Variants in SDK1 observed in about 807,000 individuals in gnomAD.
The protein encoded by SDK1 is protein sidekick-1.
A neutral mutation model predicts 245.5 loss-of-function variants in SDK1; 157 were observed. That is an observed-to-expected ratio of 0.64 (90% CI 0.56 to 0.73). SDK1 has a LOEUF of 0.73. Among genes scored for constraint, SDK1 ranks in the 30% least tolerant of loss-of-function variants. The pLI is 0.00. For missense variants in SDK1, 3,583 were observed against 3,002.3 expected (o/e 1.19, Z -4.52); for synonymous variants, 1,647 against 1,278.5 (o/e 1.29, Z -6.15).
intron 1 of SDK1, among the ~76,000 whole-genome samples, chr7:3,547,135 C>G (rs1369689494): frequency 1.3e-5 from 2 of 151,808 alleles, no homozygotes; most frequent in Non-Finnish European, 2.9e-5. Context: ...ATGATTTAAC[C>G]CTAATGTTTT....
intron 21 of SDK1, 89 bp downstream of exon 21, chr7:4,077,278 G>C: frequency 1.6e-6 from 2 of 1,259,542 alleles, no homozygotes; most frequent in South Asian, 2.8e-5. Context: ...TGGTGTGGAA[G>C]CCACTGAGTG....
chr7:3,470,337 G>T (rs6964838), intron 1 of SDK1, among the ~76,000 whole-genome samples: 2 of 151,850 alleles, frequency 1.3e-5, no homozygotes, highest in Non-Finnish European at 2.9e-5. Flanking sequence ...GTGCCTCAGA[G>T]ATAGTCAAGG....
At chr7:3,774,935 T>C (rs571708617) in intron 4 of SDK1, among the ~76,000 whole-genome samples, 153 of 152,330 alleles carry the variant, frequency 1.0e-3, no homozygotes, top group African/African-American at 3.5e-3. Flanking sequence ...TTTGCTTCTA[T>C]GGTGGGTCCT....
intron 1 of SDK1, among the ~76,000 whole-genome samples, chr7:3,346,532 T>C (rs1194015826): frequency 2.0e-5 from 3 of 151,740 alleles, no homozygotes; most frequent in African/African-American, 4.8e-5. Flanking sequence ...ATTTTTTTAA[T>C]AGTCAAGGTC....
chr7:3,578,712 A>T (rs1422101434), intron 1 of SDK1, among the ~76,000 whole-genome samples: 3 of 151,840 alleles, frequency 2.0e-5, no homozygotes, highest in African/African-American at 7.2e-5. Context: ...ACATCCGTTT[A>T]TAGGCTCTCT....
chr7:4,040,161 G>C (rs1166091281), intron 17 of SDK1, among the ~76,000 whole-genome samples: 2 of 152,184 alleles, frequency 1.3e-5, no homozygotes, highest in Non-Finnish European at 2.9e-5. Context: ...TAAGCATAGG[G>C]TAATGAGGCG....
chr7:3,744,783 G>C (rs534214902), intron 4 of SDK1, among the ~76,000 whole-genome samples: 47 of 152,042 alleles, frequency 3.1e-4, no homozygotes, highest in African/African-American at 1.1e-3. Context: ...ATGCACTCCA[G>C]CCTGGGCGAC....
intron 13 of SDK1, chr7:3,974,775 GTTTTTAT>G (rs1410929474): frequency 4.2e-6 from 2 of 472,044 alleles, no homozygotes; most frequent in African/African-American, 3.9e-5. Context: ...GTGATCATTG[GTTTTTAT>G]TTCAGTTGAT....
At position 3,619,216 on chromosome 7, in the gene SDK1, C is replaced by T. The variant is rs769049590; in HGVS notation, c.435C>T (p.Leu145=). 1.2e-5 allele frequency: 19 copies of T among 1,612,178 alleles called. No homozygotes were observed. Among genetic ancestry groups the T allele is most frequent in the Non-Finnish European group, 2.5e-6 (3 of 1,178,566 alleles). ...AGTGGATGCGCGATGACAGTGAGCTCACCACCTACAGCAGCGAATATAAGT... is the reference window on the plus strand; with the variant it reads ...AGTGGATGCGCGATGACAGTGAGCTTACCACCTACAGCAGCGAATATAAGT... ...EFKWMRDDSE[L]TTYSSEYKYI... is the part of the protein sequence containing the mutation. The change falls in exon 2 of 45, where the codon CTC becomes CTT. Residue 145 remains leucine, a synonymous_variant. Coordinates refer to ENST00000404826, the MANE Select transcript of SDK1 (RefSeq NM_152744.4).
chr7:3,544,232 C>G (rs146045489), intron 1 of SDK1, among the ~76,000 whole-genome samples: 2 of 152,328 alleles, frequency 1.3e-5, no homozygotes, highest in African/African-American at 4.8e-5. Context: ...CCATATGTAT[C>G]CATCTTGGTT....
chr7:3,854,048 A>G (rs1780481552), intron 5 of SDK1, among the ~76,000 whole-genome samples: 1 of 151,832 alleles, frequency 6.6e-6, no homozygotes, highest in Non-Finnish European at 1.5e-5. Context: ...GGGATGCTCA[A>G]CCTGTATTTT....
intron 1 of SDK1, among the ~76,000 whole-genome samples, chr7:3,560,849 G>A (rs1450398974): frequency 1.3e-5 from 2 of 152,108 alleles, no homozygotes; most frequent in Non-Finnish European, 2.9e-5. Context: ...TGCTTCTGGG[G>A]TCTGCATTTG....
intron 5 of SDK1, among the ~76,000 whole-genome samples, chr7:3,943,870 T>C (rs1040850863): frequency 4.6e-5 from 7 of 152,210 alleles, no homozygotes; most frequent in African/African-American, 7.2e-5. Flanking sequence ...CTGCTGCGTG[T>C]TCTTTATTCC....
intron 32 of SDK1, among the ~76,000 whole-genome samples, chr7:4,173,275 G>T (rs984193424): frequency 6.6e-6 from 1 of 152,210 alleles, no homozygotes; most frequent in Admixed American, 6.5e-5. Context: ...ACCCAGATGA[G>T]TGCAGAAGTC....
chr7:3,754,279 TA>T (rs1779856001), intron 4 of SDK1, among the ~76,000 whole-genome samples: 1 of 152,246 alleles, frequency 6.6e-6, no homozygotes, highest in African/African-American at 2.4e-5. Flanking sequence ...TTTCTTAATG[TA>T]TTACACCCTT....
chr7:3,322,488 T>C (rs116522594), intron 1 of SDK1, among the ~76,000 whole-genome samples: 2 of 152,208 alleles, frequency 1.3e-5, no homozygotes, highest in Non-Finnish European at 2.9e-5. Context: ...TTTTGGTATA[T>C]GCCTAGAAGT....
intron 1 of SDK1, among the ~76,000 whole-genome samples, chr7:3,402,207 G>A (rs537224501): frequency 1.8e-4 from 28 of 152,206 alleles, no homozygotes; most frequent in Non-Finnish European, 3.1e-4. Context: ...GATATGTGGA[G>A]GATATATATA....
Position 4,245,790 on chromosome 7 carries a change from T to G in SDK1, c.6366T>G (p.Asp2122Glu). 3 of 1,613,938 alleles carry G rather than the reference T, an allele frequency of 1.9e-6. No homozygotes were observed. The African/African-American group carries it at 4.0e-5, about 22-fold the overall frequency. ...ESVSLKEKSADASESEATDSD... is the reference protein window; with the variant it reads ...ESVSLKEKSAEASESEATDSD... ...TGAGCCTCAAGGAGAAGTCGGCAGA[T>G]GCATCAGAATCTGAGGTCAGTGTCG... Residue 2122 changes from aspartate to glutamate, a missense_variant, in exon 44 of 45, where the codon GAT becomes GAG. Coordinates refer to ENST00000404826, the MANE Select transcript of SDK1 (RefSeq NM_152744.4).
At chr7:3,649,210 G>A (rs1280444525) in intron 4 of SDK1, among the ~76,000 whole-genome samples, 2 of 152,186 alleles carry the variant, frequency 1.3e-5, no homozygotes, top group Non-Finnish European at 2.9e-5. Flanking sequence ...TGGGAAGAGA[G>A]TCCTAAGCTG....
Sources: gnomAD v4.1 joint callset for allele counts (sites outside exome capture counted in the v4.1 genomes callset) on GRCh38, gnomAD v4.1.1 for gene constraint, MANE v1.5 for transcripts, NCBI Gene and HGNC (gene_info 2026-07-23, HGNC 2026-07-21) for gene names.